The following DLG2 variants were observed in gnomAD, a reference collection of about 807,000 sequenced individuals.
DLG2 encodes the protein discs large MAGUK scaffold protein 2, also known as disks large homolog 2.
In DLG2, 45 loss-of-function variants were observed where a neutral mutation model predicts 132.5. The ratio of observed to expected loss-of-function variants is 0.34; its 90% CI spans 0.27 to 0.44. The LOEUF is 0.44. Ranked by LOEUF, DLG2 falls within the 20% of genes least tolerant of loss-of-function variation. The pLI, the probability that DLG2 is intolerant of heterozygous loss-of-function variation, is 1.00. For synonymous variants in DLG2, 424 were observed against 419.6 expected, an observed-to-expected ratio of 1.01 and a Z score of -0.13; for missense variants, 1,045 against 1,196.9, an observed-to-expected ratio of 0.87 and a Z score of 1.87.
intron 4 of DLG2, among the ~76,000 whole-genome samples, chr11:85,175,110 A>T (rs1345583102): frequency 6.6e-6 from 1 of 152,176 alleles, no homozygotes; most frequent in Non-Finnish European, 1.5e-5. Context: ...TCCCTAACAC[A>T]TTTTATGAGG....
chr11:84,386,988 G>A (rs2098773220), intron 7 of DLG2, among the ~76,000 whole-genome samples: 1 of 152,002 alleles, frequency 6.6e-6, no homozygotes. Context: ...GCTTTTGTAA[G>A]CTTCCTTTAG....
intron 6 of DLG2, among the ~76,000 whole-genome samples, chr11:84,676,147 C>T (rs1339416718): frequency 6.6e-6 from 1 of 151,938 alleles, no homozygotes; most frequent in African/African-American, 2.4e-5. Context: ...AATATGAGAG[C>T]TATTTATTAA....
intron 16 of DLG2, among the ~76,000 whole-genome samples, chr11:83,852,075 G>A (rs1460153427): frequency 3.9e-5 from 6 of 152,188 alleles, no homozygotes; most frequent in Non-Finnish European, 1.5e-5. Flanking sequence ...GAGGCAAGGA[G>A]AGTCCCCTAC....
At chr11:85,547,950 G>A (rs1363016177) in intron 3 of DLG2, among the ~76,000 whole-genome samples, 2 of 152,022 alleles carry the variant, frequency 1.3e-5, no homozygotes, top group Non-Finnish European at 1.5e-5. Flanking sequence ...TAACTCAGAG[G>A]AGTTTTTATT....
chr11:84,331,514 A>G (rs912716452), intron 7 of DLG2, among the ~76,000 whole-genome samples: 3 of 141,078 alleles, frequency 2.1e-5, no homozygotes, highest in Non-Finnish European at 3.1e-5. Context: ...TCTTTTGGTG[A>G]TGTAAGTACT....
At chr11:84,281,667 A>G (rs2097856359) in intron 7 of DLG2, among the ~76,000 whole-genome samples, 1 of 150,426 alleles carries the variant, frequency 6.6e-6, no homozygotes, top group Non-Finnish European at 1.5e-5. Context: ...AATAACTCTT[A>G]AAATTCAATC....
intron 4 of DLG2, among the ~76,000 whole-genome samples, chr11:85,255,105 CTT>C: frequency 6.6e-6 from 1 of 151,584 alleles, no homozygotes; most frequent in Admixed American, 6.6e-5. Flanking sequence ...AAATAACAAA[CTT>C]TTTGCTCTAT....
intron 21 of DLG2, among the ~76,000 whole-genome samples, chr11:83,524,815 A>T (rs1403549644): frequency 6.6e-6 from 1 of 152,130 alleles, no homozygotes; most frequent in Non-Finnish European, 1.5e-5. Context: ...TCATCTTTTT[A>T]CACCTGATTA....
At chr11:84,002,426 C>T (rs1404945344) in intron 11 of DLG2, among the ~76,000 whole-genome samples, 5 of 152,172 alleles carry the variant, frequency 3.3e-5, no homozygotes, top group Non-Finnish European at 5.9e-5. Context: ...TCCATGAGGG[C>T]TCCTCTCCCA....
intron 7 of DLG2, among the ~76,000 whole-genome samples, chr11:84,351,470 G>A (rs1173387842): frequency 3.3e-5 from 5 of 151,862 alleles, no homozygotes; most frequent in East Asian, 1.9e-4. Context: ...AATAATGCTC[G>A]GAACCTAACT....
At chr11:85,483,907 AAG>A in intron 3 of DLG2, among the ~76,000 whole-genome samples, 2 of 151,808 alleles carry the variant, frequency 1.3e-5, no homozygotes, top group Admixed American at 6.6e-5. Context: ...AAAAAAAAAA[AAG>A]AATAATAATA....
At chr11:83,608,724 G>GCA (rs751248821) in intron 19 of DLG2, among the ~76,000 whole-genome samples, 14 of 146,240 alleles carry the variant, frequency 9.6e-5, no homozygotes, top group Non-Finnish European at 1.7e-4. Flanking sequence ...ACACACACAC[G>GCA]CACACACACA....
intron 3 of DLG2, among the ~76,000 whole-genome samples, chr11:85,490,218 A>G (rs2093525207): frequency 6.6e-6 from 1 of 152,160 alleles, no homozygotes; most frequent in Non-Finnish European, 1.5e-5. Context: ...ATATATTTGA[A>G]ACAAATGAAA....
chr11:84,269,935 TAAGTTTA>T (rs1244625367), intron 7 of DLG2, among the ~76,000 whole-genome samples: 2 of 152,230 alleles, frequency 1.3e-5, no homozygotes, highest in East Asian at 3.9e-4. Flanking sequence ...AAAGAAGTTT[TAAGTTTA>T]CTTTTGGGCA....
rs572975618 is a variant in DLG2 at position 84,614,832 on chromosome 11, G to A, written c.358-80101C>T. On this transcript the variant is annotated intron_variant, in intron 6 of 27. Coordinates refer to ENST00000376104, the MANE Select transcript of DLG2 (RefSeq NM_001142699.3). Reference sequence around the variant, plus strand: ...TTTTGTCTTGCCATTTTGACCATCTGGACAATCAATTCAGCTATAGCTACT... The same window carrying A: ...TTTTGTCTTGCCATTTTGACCATCTAGACAATCAATTCAGCTATAGCTACT... Among the ~76,000 whole-genome samples, 189 of 152,156 alleles carry A rather than the reference G, an allele frequency of 1.2e-3. 2 individuals are homozygous for A. The highest frequency in any genetic ancestry group is 4.2e-3 in the African/African-American group (173 of 41,538).
At chr11:84,809,815 T>A (rs2076373303) in intron 6 of DLG2, among the ~76,000 whole-genome samples, 1 of 151,860 alleles carries the variant, frequency 6.6e-6, no homozygotes, top group African/African-American at 2.4e-5. Context: ...AAGAATGAAG[T>A]GAGAGAAATC....
At chr11:84,845,450 T>C (rs1056496487) in intron 6 of DLG2, among the ~76,000 whole-genome samples, 9 of 152,078 alleles carry the variant, frequency 5.9e-5, no homozygotes, top group Non-Finnish European at 1.3e-4. Flanking sequence ...AATAATGATA[T>C]AATGAATATA....
At chr11:83,506,855 T>C (rs2094728564) in intron 21 of DLG2, among the ~76,000 whole-genome samples, 1 of 152,230 alleles carries the variant, frequency 6.6e-6, no homozygotes, top group African/African-American at 2.4e-5. Flanking sequence ...AGACTGTGCA[T>C]GCACCTTTCA....
chr11:85,325,835 G>A (rs1475871029), intron 3 of DLG2, among the ~76,000 whole-genome samples: 12 of 16,142 alleles, frequency 7.4e-4, no homozygotes, highest in African/African-American at 1.8e-3. Context: ...AGCTACGGGA[G>A]GACATTCAAA....
Sources: allele counts gnomAD v4.1 joint callset (sites outside exome capture counted in the v4.1 genomes callset), GRCh38; gene constraint gnomAD v4.1.1; transcripts MANE v1.5; gene names NCBI Gene and HGNC (gene_info 2026-07-23, HGNC 2026-07-21).